The following ZFHX3 variants were observed in gnomAD, a reference collection of about 807,000 sequenced individuals.
The protein encoded by ZFHX3 is zinc finger homeobox 3, also known as zinc finger homeobox protein 3.
A neutral mutation model predicts 279.1 loss-of-function variants in ZFHX3; 42 were observed. That is an observed-to-expected ratio of 0.15 (90% CI 0.12 to 0.19). ZFHX3 has a LOEUF of 0.19. Among genes scored for constraint, ZFHX3 ranks in the 10% least tolerant of loss-of-function variants. The pLI is 1.00. For missense variants in ZFHX3, 4,981 were observed against 4,754.0 expected, an observed-to-expected ratio of 1.05 and a Z score of -1.40; for synonymous variants, 2,293 against 1,957.8, an observed-to-expected ratio of 1.17 and a Z score of -4.52.
chr16:73,620,443 A>G (rs1440139062), intron 2 of ZFHX3, among the ~76,000 whole-genome samples: 1 of 152,244 alleles, frequency 6.6e-6, no homozygotes. Flanking sequence ...GTTTAAAGTA[A>G]TCATGAAGCT....
chr16:73,754,340 G>T (rs1309245110), intron 1 of ZFHX3, among the ~76,000 whole-genome samples: 1 of 152,082 alleles, frequency 6.6e-6, no homozygotes, highest in African/African-American at 2.4e-5. Context: ...GCAAAGGAGG[G>T]TGACACAGGC....
At chr16:73,325,646 C>T (rs905229781) in intron 3 of ZFHX3, among the ~76,000 whole-genome samples, 1 of 152,016 alleles carries the variant, frequency 6.6e-6, no homozygotes, top group African/African-American at 2.4e-5. Context: ...ATTCAAAGAT[C>T]AATCCAACAA....
At chr16:73,144,642 G>A (rs1966856022) in intron 5 of ZFHX3, among the ~76,000 whole-genome samples, 1 of 152,096 alleles carries the variant, frequency 6.6e-6, no homozygotes, top group Non-Finnish European at 1.5e-5. Flanking sequence ...CCTACTCCAC[G>A]TATTCAGACC....
chr16:73,621,466 A>G (rs1432902637), intron 2 of ZFHX3, among the ~76,000 whole-genome samples: 1 of 152,182 alleles, frequency 6.6e-6, no homozygotes, highest in Non-Finnish European at 1.5e-5. Context: ...ATAGCAGAGG[A>G]TGGATTTAGG....
chr16:73,650,778 T>G (rs1307315554), intron 2 of ZFHX3, among the ~76,000 whole-genome samples: 2 of 152,178 alleles, frequency 1.3e-5, no homozygotes, highest in African/African-American at 4.8e-5. Flanking sequence ...CTAAGCAGAT[T>G]TAACTCCTGT....
chr16:73,101,856 T>C (rs868385044), intron 7 of ZFHX3, among the ~76,000 whole-genome samples: 2 of 151,436 alleles, frequency 1.3e-5, no homozygotes, highest in South Asian at 2.1e-4. Context: ...CCTTCCAACA[T>C]GCACCTCACT....
intron 3 of ZFHX3, among the ~76,000 whole-genome samples, chr16:73,393,888 G>A (rs1048791303): frequency 2.7e-5 from 4 of 147,366 alleles, no homozygotes; most frequent in Non-Finnish European, 4.5e-5. Context: ...TATATCTCAT[G>A]TATATCATAT....
At chr16:73,159,189 G>T (rs1411650962) in intron 5 of ZFHX3, among the ~76,000 whole-genome samples, 1 of 152,176 alleles carries the variant, frequency 6.6e-6, no homozygotes, top group African/African-American at 2.4e-5. Context: ...ATCTGACAAA[G>T]ATCTAATATC....
chr16:73,881,504 G>T (rs1307572100), intron 1 of ZFHX3, among the ~76,000 whole-genome samples: 1 of 61,714 alleles, frequency 1.6e-5, no homozygotes, highest in African/African-American at 4.8e-5. Flanking sequence ...CTCTGCCCAT[G>T]GTTACTGCTA....
At chr16:73,347,274 G>A (rs1247952847) in intron 3 of ZFHX3, among the ~76,000 whole-genome samples, 1 of 152,230 alleles carries the variant, frequency 6.6e-6, no homozygotes, top group African/African-American at 2.4e-5. Context: ...AGTATCCTCA[G>A]CCCGGAGGGA....
chr16:72,984,593 T>C (rs905643178), intron 1 of ZFHX3, among the ~76,000 whole-genome samples: 8 of 146,824 alleles, frequency 5.4e-5, no homozygotes, highest in African/African-American at 2.0e-4. Context: ...ACCACTCCAC[T>C]CCTGCCTGGG....
chr16:73,868,463 G>A (rs1297863649), intron 1 of ZFHX3, among the ~76,000 whole-genome samples: 1 of 152,244 alleles, frequency 6.6e-6, no homozygotes, highest in African/African-American at 2.4e-5. Flanking sequence ...GGCAGAGGTT[G>A]CAGTGAGCGG....
At chr16:72,905,944 G>A (rs2039159222) in intron 3 of ZFHX3, among the ~76,000 whole-genome samples, 2 of 152,124 alleles carry the variant, frequency 1.3e-5, no homozygotes, top group Admixed American at 6.5e-5. Flanking sequence ...TATAACCCAC[G>A]TGGTTAAGGC....
intron 5 of ZFHX3, among the ~76,000 whole-genome samples, chr16:73,248,538 T>TA (rs2013376248): frequency 6.6e-6 from 1 of 151,642 alleles, no homozygotes; most frequent in African/African-American, 2.4e-5. Context: ...TGTCTGTGTG[T>TA]ACATGTGTGT....
intron 5 of ZFHX3, among the ~76,000 whole-genome samples, chr16:73,173,532 T>C (rs1364811963): frequency 6.6e-6 from 1 of 152,052 alleles, no homozygotes; most frequent in Non-Finnish European, 1.5e-5. Flanking sequence ...TTCCTCCACC[T>C]CATTCTTTTT....
intron 3 of ZFHX3, among the ~76,000 whole-genome samples, chr16:73,370,653 AC>A (rs1313082030): frequency 6.6e-6 from 1 of 152,176 alleles, no homozygotes; most frequent in African/African-American, 2.4e-5. Flanking sequence ...CAGTGTGATT[AC>A]CAGGTTATGA....
intron 3 of ZFHX3, among the ~76,000 whole-genome samples, chr16:72,933,053 A>G (rs889076737): frequency 2.0e-5 from 3 of 152,060 alleles, no homozygotes; most frequent in African/African-American, 7.2e-5. Context: ...TGGACATCCT[A>G]TCTTAAATTT....
At chr16:73,764,130 A>G (rs1457577864) in intron 1 of ZFHX3, among the ~76,000 whole-genome samples, 2 of 152,200 alleles carry the variant, frequency 1.3e-5, no homozygotes, top group East Asian at 3.9e-4. Context: ...TTTGTTACAC[A>G]GGCATAGAAA....
At chr16:73,112,805 C>T (rs1178504578) in intron 7 of ZFHX3, among the ~76,000 whole-genome samples, 1 of 151,256 alleles carries the variant, frequency 6.6e-6, no homozygotes, top group Non-Finnish European at 1.5e-5. Flanking sequence ...AGAGAAGCAG[C>T]CCAGACCCCA....
Sources: allele counts gnomAD v4.1 joint callset (sites outside exome capture counted in the v4.1 genomes callset), GRCh38; gene constraint gnomAD v4.1.1; transcripts MANE v1.5; gene names NCBI Gene and HGNC (gene_info 2026-07-23, HGNC 2026-07-21).